MEF2A: variants seen among roughly 807,000 people sequenced by gnomAD.
The protein encoded by MEF2A is myocyte enhancer factor 2A.
Under a neutral mutation model 55.8 loss-of-function variants are expected in MEF2A, and 28 were observed. The observed-to-expected ratio is 0.50, with a 90% CI of 0.37 to 0.69. The LOEUF (loss-of-function observed/expected upper bound fraction) is 0.69, where lower values mean the gene tolerates loss of function less well. MEF2A is among the 30% of genes least tolerant of loss of function. MEF2A has a pLI of 0.00. For synonymous variants in MEF2A, 239 were observed against 227.1 expected (o/e 1.05, Z -0.47); for missense variants, 528 against 626.2 (o/e 0.84, Z 1.67).
chr15:99,639,810 C>G (rs1161037183), intron 3 of MEF2A, among the ~76,000 whole-genome samples: 2 of 151,724 alleles, frequency 1.3e-5, no homozygotes, highest in African/African-American at 2.4e-5. Flanking sequence ...TTTTTCTGGT[C>G]TTAGGAAAGT....
intron 2 of MEF2A, among the ~76,000 whole-genome samples, chr15:99,599,466 A>G (rs1972282990): frequency 1.3e-5 from 2 of 152,148 alleles, no homozygotes; most frequent in Admixed American, 1.3e-4. Context: ...GAATGATTAA[A>G]TAGTAGAAAG....
intron 4 of MEF2A, among the ~76,000 whole-genome samples, chr15:99,663,498 C>T (rs951129977): frequency 4.6e-5 from 7 of 151,670 alleles, no homozygotes; most frequent in Non-Finnish European, 1.0e-4. Flanking sequence ...AAATTTTAGA[C>T]AAGCTTATTT....
At chr15:99,622,455 G>A (rs1471632497) in intron 2 of MEF2A, among the ~76,000 whole-genome samples, 1 of 152,118 alleles carries the variant, frequency 6.6e-6, no homozygotes, top group Non-Finnish European at 1.5e-5. Flanking sequence ...TAAAAAGTTA[G>A]TGGTTAGCTT....
rs1228172446 is a variant in MEF2A, at chr15:99,609,441, TA to T, written c.-143+10932del. Among the ~76,000 whole-genome samples, 15 of 152,354 alleles carry T rather than the reference TA, an allele frequency of 9.8e-5. No individual in the cohort carries two copies. The South Asian group carries it at 1.4e-3, about 15-fold the overall frequency. On this transcript the variant is annotated intron_variant, in intron 2 of 11. Coordinates refer to ENST00000557942, the MANE Select transcript of MEF2A (RefSeq NM_001319206.4). ...AAACTGCACTTTCAGGTAATGACCA[TA>T]AGTCTATGAGATTTATATTCAAAGT...
chr15:99,614,138 A>C (rs192653176), intron 2 of MEF2A, among the ~76,000 whole-genome samples: 128 of 152,356 alleles, frequency 8.4e-4, no homozygotes, highest in Non-Finnish European at 1.6e-3. Flanking sequence ...TCTACCTCAC[A>C]GGGTTATTGT....
intron 3 of MEF2A, 122 bp from the exon 4 acceptor site, chr15:99,645,439 G>C: frequency 1.4e-6 from 1 of 716,934 alleles, no homozygotes; most frequent in Non-Finnish European, 2.3e-6. Flanking sequence ...GGAGGACAAA[G>C]CTGGGAACCT....
chr15:99,651,875 G>A (rs1168612393), intron 4 of MEF2A, among the ~76,000 whole-genome samples: 1 of 152,186 alleles, frequency 6.6e-6, no homozygotes, highest in South Asian at 2.1e-4. Flanking sequence ...TTCATGTGGG[G>A]AGGAAAAGAT....
At chr15:99,630,603 C>T (rs960259743) in intron 2 of MEF2A, among the ~76,000 whole-genome samples, 4 of 152,248 alleles carry the variant, frequency 2.6e-5, no homozygotes, top group African/African-American at 9.6e-5. Flanking sequence ...GATTTCCAGA[C>T]ATTTATATGA....
At chr15:99,673,098 GTGTATTGTA>G (rs1164493367) in intron 5 of MEF2A, among the ~76,000 whole-genome samples, 4 of 152,144 alleles carry the variant, frequency 2.6e-5, no homozygotes, top group Non-Finnish European at 5.9e-5. Flanking sequence ...TGAATAAACT[GTGTATTGTA>G]TGCCTGCATT....
rs1567521440 is a variant in MEF2A at position 99,712,549 on chromosome 15, ACCG to A, written c.1298_1300del (p.Pro433del). ...AGCAGCAGCAGCAGCCGCCGCCACCACCGCAGCCCCAGCCACAACCCCCGCAGC... is the reference window on the plus strand; with the variant it reads ...AGCAGCAGCAGCAGCCGCCGCCACCACAGCCCCAGCCACAACCCCCGCAGC... On this transcript the variant is annotated inframe_deletion, in exon 12 of 12. Coordinates refer to ENST00000557942, the MANE Select transcript of MEF2A (RefSeq NM_001319206.4). This position sits in a 1 kb window ranked among gnomAD's most constrained non-coding sequence, Gnocchi z 4.1. The A allele has an allele frequency of 6.5e-7, 1 of 1,550,184 alleles. No individual in the cohort carries two copies. The highest frequency in any genetic ancestry group is 2.0e-5 in the Admixed American group (1 of 50,938).
rs181775056 is a variant in MEF2A at position 99,682,983 on chromosome 15, C to T, written c.671-7258C>T. Among the ~76,000 whole-genome samples, 526 of 152,238 alleles carry T rather than the reference C, an allele frequency of 3.5e-3. 3 individuals are homozygous for T. The highest frequency in any genetic ancestry group is 0.011 in the South Asian group (52 of 4,818). On this transcript the variant is annotated intron_variant, in intron 7 of 11. Coordinates refer to ENST00000557942, the MANE Select transcript of MEF2A (RefSeq NM_001319206.4). ...TAATCTGACATTCTCATACTGTTAACGCAAAATGAAGTTTCTATTTAACCT... is the reference window on the plus strand; with the variant it reads ...TAATCTGACATTCTCATACTGTTAATGCAAAATGAAGTTTCTATTTAACCT...
chr15:99,695,004 C>T (rs1465038782), intron 8 of MEF2A, among the ~76,000 whole-genome samples: 1 of 149,128 alleles, frequency 6.7e-6, no homozygotes, highest in Non-Finnish European at 1.5e-5. Flanking sequence ...TCAGGGGGAG[C>T]AGGCGCTTTT....
At chr15:99,585,898 G>A (rs1383899117) in intron 1 of MEF2A, among the ~76,000 whole-genome samples, 1 of 152,026 alleles carries the variant, frequency 6.6e-6, no homozygotes, top group Admixed American at 6.6e-5. Context: ...GTGTTCTTCG[G>A]TGGTATCTTA....
chr15:99,702,117 G>T (rs187991941), intron 8 of MEF2A, among the ~76,000 whole-genome samples: 8 of 152,352 alleles, frequency 5.3e-5, no homozygotes, highest in Admixed American at 5.2e-4. Context: ...TGTACCTTGT[G>T]TTTGGAGATA....
chr15:99,676,666 G>A (rs1009519008), intron 7 of MEF2A, among the ~76,000 whole-genome samples: 4 of 151,030 alleles, frequency 2.6e-5, no homozygotes, highest in African/African-American at 4.9e-5. Context: ...TTCACCTCCC[G>A]GGTTCACGCC....
At chr15:99,667,879 T>G (rs1039111223) in intron 4 of MEF2A, among the ~76,000 whole-genome samples, 1 of 152,232 alleles carries the variant, frequency 6.6e-6, no homozygotes, top group African/African-American at 2.4e-5. Context: ...TAACTTGGCA[T>G]GTGCTCTAAA....
chr15:99,675,801 G>A (rs1008346079), intron 7 of MEF2A, among the ~76,000 whole-genome samples: 2 of 152,162 alleles, frequency 1.3e-5, no homozygotes, highest in African/African-American at 4.8e-5. Context: ...ACTTTGGGAG[G>A]ACGAGGTGGG....
At chr15:99,594,561 C>T (rs1370183282) in intron 1 of MEF2A, among the ~76,000 whole-genome samples, 1 of 151,250 alleles carries the variant, frequency 6.6e-6, no homozygotes, top group African/African-American at 2.4e-5. Flanking sequence ...TCTCTCTCCC[C>T]TCCCCAGAGG....
intron 2 of MEF2A, among the ~76,000 whole-genome samples, chr15:99,611,015 G>A (rs951325023): frequency 2.6e-5 from 4 of 152,372 alleles, no homozygotes; most frequent in Admixed American, 2.6e-4. Context: ...GCCGAGGTGG[G>A]TGGATCACTT....
Sources: gnomAD v4.1 joint callset for allele counts (sites outside exome capture counted in the v4.1 genomes callset) on GRCh38, gnomAD v4.1.1 for gene constraint, Gnocchi (gnomAD v3.1) non-coding constraint, MANE v1.5 for transcripts, NCBI Gene and HGNC (gene_info 2026-07-23, HGNC 2026-07-21) for gene names.